Variants in PCDHGA1 observed in about 807,000 individuals in gnomAD.
The protein encoded by PCDHGA1 is protocadherin gamma subfamily A, 1.
PCDHGA1 carries 32 observed loss-of-function variants against 58.0 expected under a neutral mutation model. The ratio of observed to expected loss-of-function variants is 0.55; its 90% CI spans 0.42 to 0.74. PCDHGA1 has a LOEUF of 0.74. Among genes scored for constraint, PCDHGA1 ranks in the 30% least tolerant of loss-of-function variants. The pLI, the probability that PCDHGA1 is intolerant of heterozygous loss-of-function variation, is 0.00. For synonymous variants in PCDHGA1, 498 were observed against 501.1 expected, an observed-to-expected ratio of 0.99 and a Z score of 0.08; for missense variants, 1,205 against 1,182.3, an observed-to-expected ratio of 1.02 and a Z score of -0.28.
chr5:141,409,561 C>T (rs1296401858), intron 1 of PCDHGA1: 4 of 1,613,986 alleles, frequency 2.5e-6, no homozygotes, highest in Non-Finnish European at 3.4e-6. Context: ...CAGTTTTCGA[C>T]CAGACGTCCT....
chr5:141,385,363 T>G lies in PCDHGA1; in HGVS notation c.2421+52258T>G, dbSNP rs533363868. The G allele has an allele frequency of 5.7e-5, 88 of 1,539,980 alleles. No individual in the cohort carries two copies. The South Asian group carries it at 1.1e-3, about 19-fold the overall frequency. The stretch of plus-strand genomic sequence containing the variant: ...TCCTTTATTTCCATGAGGAATTTAT[T>G]TGCATGATATTTCTCTATTATTTTG... On this transcript the variant is annotated intron_variant, in intron 1 of 3. Transcript: ENST00000517417.
rs368231432 is a variant in PCDHGA1 at position 141,374,734 on chromosome 5, C to T, written c.2421+41629C>T. On this transcript the variant is annotated intron_variant, in intron 1 of 3. Coordinates refer to ENST00000517417, the MANE Select transcript of PCDHGA1 (RefSeq NM_018912.3). ...GCCTGGTCCTTACTGCCATGGATGGCGGCGACCCTGTCCGCTCAAGCGTCG... is the reference window on the plus strand; with the variant it reads ...GCCTGGTCCTTACTGCCATGGATGGTGGCGACCCTGTCCGCTCAAGCGTCG... 43 of 1,610,046 alleles carry T rather than the reference C, an allele frequency of 2.7e-5. 2 individuals are homozygous for T. In the South Asian group the frequency reaches 4.2e-4, roughly 16 times the overall value.
intron 1 of PCDHGA1, among the ~76,000 whole-genome samples, chr5:141,480,960 A>G (rs954219522): frequency 1.3e-5 from 2 of 152,190 alleles, no homozygotes; most frequent in African/African-American, 4.8e-5. Context: ...CGGAAGCATC[A>G]GTGAGGGAGA....
At chr5:141,333,205 A>T (rs188101907) in intron 1 of PCDHGA1, 100 bp downstream of exon 1, 2 of 1,537,914 alleles carry the variant, frequency 1.3e-6, no homozygotes, top group Non-Finnish European at 1.8e-6. Context: ...CTTCTAACCC[A>T]TGTATCTTTG....
In PCDHGA1 at chr5:141,330,931, A is replaced by C; in HGVS notation, c.247A>C (p.Ser83Arg). The change falls in exon 1 of 4, where the codon AGC becomes CGC. Residue 83 changes from serine (S) to arginine (R), a missense_variant. By Grantham distance (110) the Ser-to-Arg change is moderately radical. Transcript: ENST00000517417. The part of the protein sequence containing the change: ...PLFALNPRSG[S>R]LITARRIDRE... ...TTTCGCTCTGAATCCTAGAAGTGGC[A>C]GCTTGATCACCGCGCGCAGGATAGA... 1 of 1,614,216 alleles carries C rather than the reference A, an allele frequency of 6.2e-7. No homozygotes were observed. Among genetic ancestry groups the C allele is most frequent in the Non-Finnish European group, 8.5e-7 (1 of 1,180,028 alleles).
chr5:141,340,155 A>G (rs1313839059), intron 1 of PCDHGA1: 3 of 1,614,240 alleles, frequency 1.9e-6, no homozygotes, highest in African/African-American at 1.3e-5. Flanking sequence ...TTTAAGTTAG[A>G]AAAGTCAGTA....
chr5:141,376,015 G>A, intron 1 of PCDHGA1: 7 of 1,613,364 alleles, frequency 4.3e-6, no homozygotes, highest in Non-Finnish European at 5.9e-6. Context: ...GCCTAGTGGT[G>A]GCCGTCCAGG....
chr5:141,375,971 C>G (rs1412854322), intron 1 of PCDHGA1: 1 of 1,613,374 alleles, frequency 6.2e-7, no homozygotes, highest in Non-Finnish European at 8.5e-7. Context: ...GCGCACGGCG[C>G]GCGCCCTGCT....
chr5:141,422,997 C>G, intron 1 of PCDHGA1: 1 of 1,614,218 alleles, frequency 6.2e-7, no homozygotes, highest in South Asian at 1.1e-5. Flanking sequence ...ACCTGGTGAC[C>G]AAGGTGGTTG....
intron 1 of PCDHGA1, chr5:141,339,819 A>G (rs1756880861): frequency 3.7e-6 from 6 of 1,614,230 alleles, no homozygotes; most frequent in Non-Finnish European, 5.1e-6. Flanking sequence ...TTTCTAGAGA[A>G]AAGCCCTGGA....
At chr5:141,481,318 A>C (rs758947998) in intron 1 of PCDHGA1, among the ~76,000 whole-genome samples, 6 of 152,216 alleles carry the variant, frequency 3.9e-5, no homozygotes, top group Non-Finnish European at 8.8e-5. Context: ...TTCCTAAAGC[A>C]CTAGCCCCTG....
In PCDHGA1 at chr5:141,354,495, G is replaced by T. The variant is rs751604496; in HGVS notation, c.2421+21390G>T. Among the ~76,000 whole-genome samples the T allele has an allele frequency of 2.9e-4, 44 of 152,326 alleles. 1 individual carries two copies. Among genetic ancestry groups the T allele is most frequent in the Non-Finnish European group, 4.7e-4 (32 of 68,030 alleles). Reference sequence around the variant, plus strand: ...GGGTAAGGCTAACTCTTGAACAGTAGGTGAGTTTTTTGCAAGGGAATTGAA... The same window carrying T: ...GGGTAAGGCTAACTCTTGAACAGTATGTGAGTTTTTTGCAAGGGAATTGAA... On this transcript the variant is annotated intron_variant, in intron 1 of 3. Coordinates refer to ENST00000517417, the MANE Select transcript of PCDHGA1 (RefSeq NM_018912.3).
intron 1 of PCDHGA1, among the ~76,000 whole-genome samples, chr5:141,462,035 C>G (rs35674654): frequency 2.0e-5 from 3 of 152,076 alleles, no homozygotes; most frequent in Non-Finnish European, 4.4e-5. Context: ...GTTGGTCAGG[C>G]GGGTCTTGAA....
chr5:141,374,275 C>A (rs3749775), intron 1 of PCDHGA1: 85,315 of 1,613,944 alleles, frequency 0.053, 2,491 homozygotes, highest in African/African-American at 0.097. Flanking sequence ...AGCACGGAGT[C>A]CGCATCGTCT....
chr5:141,460,741 A>C (rs1378900827), intron 1 of PCDHGA1, among the ~76,000 whole-genome samples: 1 of 152,128 alleles, frequency 6.6e-6, no homozygotes, highest in African/African-American at 2.4e-5. Flanking sequence ...CACATTGTAT[A>C]TATATGTGTA....
chr5:141,403,950 T>C (rs771679747), intron 1 of PCDHGA1: 13 of 1,613,706 alleles, frequency 8.1e-6, no homozygotes, highest in Non-Finnish European at 1.1e-5. Context: ...TGGACAAAAG[T>C]GCTCATTTCG....
chr5:141,360,334 C>T (rs1424290202), intron 1 of PCDHGA1: 1 of 1,613,888 alleles, frequency 6.2e-7, no homozygotes, highest in Non-Finnish European at 8.5e-7. Context: ...CCGGAAGCTG[C>T]GGGTTAGCGC....
chr5:141,437,728 A>T (rs1236819934), intron 1 of PCDHGA1, among the ~76,000 whole-genome samples: 1 of 150,908 alleles, frequency 6.6e-6, no homozygotes, highest in Non-Finnish European at 1.5e-5. Context: ...CTAATGTTAC[A>T]CTTTGAGTTC....
Position 141,339,479 on chromosome 5 carries a change from T to C in PCDHGA1, c.2421+6374T>C, listed in dbSNP as rs750969008. 8 of 1,614,008 alleles carry C rather than the reference T, an allele frequency of 5.0e-6. No homozygotes were observed. The highest frequency in any genetic ancestry group is 1.1e-5 in the South Asian group (1 of 91,078). ...CGTAGGTGAGAACGCCCTTCAGAAGTACGCACTCAACCCAAATGACCACTT... is the reference window on the plus strand; with the variant it reads ...CGTAGGTGAGAACGCCCTTCAGAAGCACGCACTCAACCCAAATGACCACTT... On this transcript the variant is annotated intron_variant, in intron 1 of 3. Transcript: ENST00000517417.
Sources: allele counts gnomAD v4.1 joint callset (sites outside exome capture counted in the v4.1 genomes callset), GRCh38; gene constraint gnomAD v4.1.1; transcripts MANE v1.5; gene names NCBI Gene and HGNC (gene_info 2026-07-23, HGNC 2026-07-21).